CCDC3: variants seen among roughly 807,000 people sequenced by gnomAD.
CCDC3 encodes coiled-coil domain-containing protein 3.
CCDC3 carries 24 observed loss-of-function variants against 21.4 expected under a neutral mutation model. The ratio of observed to expected loss-of-function variants is 1.12; its 90% CI spans 0.81 to 1.58. The LOEUF is 1.58. Among genes scored for constraint, CCDC3 ranks in the 40% most tolerant of loss-of-function variants. The pLI is 0.00. For missense variants in CCDC3, 425 were observed against 360.9 expected, an observed-to-expected ratio of 1.18 and a Z score of -1.44; for synonymous variants, 186 against 166.0, an observed-to-expected ratio of 1.12 and a Z score of -0.93.
intron 2 of CCDC3, among the ~76,000 whole-genome samples, chr10:12,948,728 GTTTTTTTTTTTT>G (rs72323989): frequency 3.3e-5 from 3 of 91,082 alleles, no homozygotes; most frequent in South Asian, 4.3e-4. Context: ...TTTTAAGGCA[GTTTTTTTTTTTT>G]TTTTTTTTTT....
chr10:12,950,897 A>G (rs1172693936), intron 2 of CCDC3, among the ~76,000 whole-genome samples: 1 of 152,148 alleles, frequency 6.6e-6, no homozygotes, highest in Non-Finnish European at 1.5e-5. Context: ...GCCCAACTGG[A>G]GTAATCATGA....
At chr10:13,066,459 C>A (rs1054241373) in intron 4 of CCDC3, among the ~76,000 whole-genome samples, 6 of 152,216 alleles carry the variant, frequency 3.9e-5, no homozygotes, top group African/African-American at 1.4e-4. Context: ...TAATTAAGCT[C>A]AAACTTGTAA....
At chr10:13,078,794 G>T (rs1349955643) in intron 3 of CCDC3, among the ~76,000 whole-genome samples, 1 of 151,800 alleles carries the variant, frequency 6.6e-6, no homozygotes, top group African/African-American at 2.4e-5. Context: ...CTCACTCATA[G>T]GTGGGAACTG....
intron 3 of CCDC3, among the ~76,000 whole-genome samples, chr10:13,086,276 C>A (rs1837103713): frequency 6.6e-6 from 1 of 152,056 alleles, no homozygotes; most frequent in Non-Finnish European, 1.5e-5. Context: ...GGAAGTGAAA[C>A]CCAAAATTTG....
At chr10:12,917,180 CTTTTTTTTTTTTT>C (rs56054100) in intron 2 of CCDC3, among the ~76,000 whole-genome samples, 2 of 58,226 alleles carry the variant, frequency 3.4e-5, no homozygotes, top group Admixed American at 2.7e-4. Context: ...ATTTCTTCTT[CTTTTTTTTTTTTT>C]TTTTTTTTTT....
At chr10:13,038,181 G>C (rs1197918021) in intron 5 of CCDC3, among the ~76,000 whole-genome samples, 1 of 152,014 alleles carries the variant, frequency 6.6e-6, no homozygotes, top group African/African-American at 2.4e-5. Flanking sequence ...ACATGGCGGG[G>C]AAAAACACAC....
At chr10:13,078,387 T>C (rs955415879) in intron 3 of CCDC3, among the ~76,000 whole-genome samples, 2 of 152,088 alleles carry the variant, frequency 1.3e-5, no homozygotes, top group Admixed American at 1.3e-4. Context: ...TGTGGAGAAA[T>C]AGGAACACTT....
chr10:12,981,308 T>C (rs1256041378), intron 2 of CCDC3, among the ~76,000 whole-genome samples: 1 of 150,592 alleles, frequency 6.6e-6, no homozygotes, highest in African/African-American at 2.5e-5. Flanking sequence ...GCCTCCCGAG[T>C]AGGTAGAATT....
chr10:12,970,598 G>A (rs772747235), intron 2 of CCDC3, among the ~76,000 whole-genome samples: 1 of 152,168 alleles, frequency 6.6e-6, no homozygotes, highest in African/African-American at 2.4e-5. Flanking sequence ...GTCAGTCTGG[G>A]CCGGGTACGG....
At chr10:13,019,199 A>C (rs1052581396) in intron 5 of CCDC3, among the ~76,000 whole-genome samples, 2 of 152,204 alleles carry the variant, frequency 1.3e-5, no homozygotes, top group African/African-American at 4.8e-5. Flanking sequence ...GTGCCACTGC[A>C]CTTCAGCCTG....
At chr10:12,950,862 CCCA>C (rs1834997140) in intron 2 of CCDC3, among the ~76,000 whole-genome samples, 1 of 152,132 alleles carries the variant, frequency 6.6e-6, no homozygotes, top group Admixed American at 6.5e-5. Context: ...TGGCTGCTCC[CCCA>C]CCACACCTGA....
chr10:13,078,317 C>G (rs1836990937), intron 3 of CCDC3, among the ~76,000 whole-genome samples: 1 of 152,198 alleles, frequency 6.6e-6, no homozygotes, highest in Non-Finnish European at 1.5e-5. Context: ...GAGATACCAT[C>G]TCACACCAGT....
At chr10:12,910,729 C>G (rs1462471893) in intron 2 of CCDC3, among the ~76,000 whole-genome samples, 7 of 151,748 alleles carry the variant, frequency 4.6e-5, no homozygotes, top group Admixed American at 2.6e-4. Flanking sequence ...CCTGCCTCAG[C>G]CTCCTGAGTA....
chr10:13,046,160 C>A (rs1026593886), intron 5 of CCDC3, among the ~76,000 whole-genome samples: 1 of 152,090 alleles, frequency 6.6e-6, no homozygotes, highest in African/African-American at 2.4e-5. Flanking sequence ...AATCCCAGCA[C>A]CTTGGGAGGC....
At chr10:12,940,596 C>T (rs1050250061) in intron 2 of CCDC3, among the ~76,000 whole-genome samples, 1 of 152,108 alleles carries the variant, frequency 6.6e-6, no homozygotes, top group Non-Finnish European at 1.5e-5. Context: ...CCAATCATAA[C>T]CTTGTAGAGC....
intron 5 of CCDC3, among the ~76,000 whole-genome samples, chr10:13,023,530 A>C (rs1305423908): frequency 6.6e-6 from 1 of 152,130 alleles, no homozygotes; most frequent in Non-Finnish European, 1.5e-5. Context: ...GCAAGTATTT[A>C]TCAAGTCTCC....
At chr10:13,032,651 T>C (rs1363524362) in intron 5 of CCDC3, among the ~76,000 whole-genome samples, 1 of 152,210 alleles carries the variant, frequency 6.6e-6, no homozygotes, top group African/African-American at 2.4e-5. Flanking sequence ...AGTCTCAAGA[T>C]GCAAGATCAA....
chr10:12,954,250 C>G (rs1447041709), intron 2 of CCDC3, among the ~76,000 whole-genome samples: 1 of 152,100 alleles, frequency 6.6e-6, no homozygotes, highest in Admixed American at 6.6e-5. Flanking sequence ...TAGTAGTTTA[C>G]CCAGAATGCC....
At chr10:13,072,315 C>A (rs999737918) in intron 4 of CCDC3, among the ~76,000 whole-genome samples, 4 of 152,148 alleles carry the variant, frequency 2.6e-5, no homozygotes, top group African/African-American at 7.2e-5. Flanking sequence ...CAAAACAGTG[C>A]CCCCTGTTAG....
Sources: gnomAD v4.1 joint callset for allele counts (sites outside exome capture counted in the v4.1 genomes callset) on GRCh38, gnomAD v4.1.1 for gene constraint, MANE v1.5 for transcripts, NCBI Gene and HGNC (gene_info 2026-07-23, HGNC 2026-07-21) for gene names.